TTLL5: variants seen among roughly 807,000 people sequenced by gnomAD.
The protein encoded by TTLL5 is tubulin tyrosine ligase like 5.
Under a neutral mutation model 168.4 loss-of-function variants are expected in TTLL5, and 132 were observed. The observed-to-expected ratio is 0.78, with a 90% CI of 0.68 to 0.91. The LOEUF is 0.91. Among genes scored for constraint, TTLL5 ranks in the 40% least tolerant of loss-of-function variants. TTLL5 has a pLI of 0.00. For synonymous variants in TTLL5, 546 were observed against 558.6 expected (o/e 0.98, Z 0.32); for missense variants, 1,545 against 1,581.5 (o/e 0.98, Z 0.39).
intron 15 of TTLL5, among the ~76,000 whole-genome samples, chr14:75,735,888 C>G (rs1028964726): frequency 6.6e-6 from 1 of 152,162 alleles, no homozygotes; most frequent in Admixed American, 6.5e-5. Context: ...ATTCCATCAT[C>G]TTGTCAGTCC....
chr14:75,663,139 C>T lies in TTLL5; in HGVS notation c.-11C>T, dbSNP rs374433388. The T allele has an allele frequency of 2.6e-5, 42 of 1,613,152 alleles. No homozygotes were observed. In the African/African-American group the frequency reaches 4.9e-4, roughly 19 times the overall value. On this transcript the variant is annotated 5_prime_UTR_variant, in exon 2 of 32. Transcript: ENST00000298832. ...CCCCGTCTGCTGACTGCATGACAAA[C>T]CCTAAAGGAAATGCCAATCGTGATG...
intron 3 of TTLL5, among the ~76,000 whole-genome samples, chr14:75,670,048 A>G (rs940835185): frequency 1.3e-5 from 2 of 152,066 alleles, no homozygotes; most frequent in African/African-American, 4.8e-5. Context: ...CACTTAGCAT[A>G]ATGTTTTTGA....
intron 27 of TTLL5, among the ~76,000 whole-genome samples, chr14:75,819,716 T>C (rs1894719665): frequency 6.6e-6 from 1 of 152,216 alleles, no homozygotes; most frequent in Non-Finnish European, 1.5e-5. Context: ...CTCAGTAGAT[T>C]CTTGCTGTTT....
intron 30 of TTLL5, among the ~76,000 whole-genome samples, chr14:75,895,052 T>C (rs2032583964): frequency 6.6e-6 from 1 of 152,238 alleles, no homozygotes; most frequent in Non-Finnish European, 1.5e-5. Flanking sequence ...AATTAACATT[T>C]TGCTTTAATA....
intron 18 of TTLL5, among the ~76,000 whole-genome samples, chr14:75,754,798 C>A (rs1487906112): frequency 2.6e-5 from 4 of 152,084 alleles, no homozygotes; most frequent in African/African-American, 9.7e-5. Context: ...GTAATGAAGT[C>A]ACATTAATCC....
chr14:75,867,925 G>A (rs144085209), intron 29 of TTLL5, among the ~76,000 whole-genome samples: 3 of 152,276 alleles, frequency 2.0e-5, no homozygotes, highest in African/African-American at 7.2e-5. Context: ...TGAAGGAGAA[G>A]GCAAAAGAAA....
intron 30 of TTLL5, among the ~76,000 whole-genome samples, chr14:75,893,184 A>G (rs964268179): frequency 2.0e-5 from 3 of 152,226 alleles, no homozygotes; most frequent in Admixed American, 2.0e-4. Context: ...TAGGAGTATC[A>G]CAAAAAAGAC....
chr14:75,723,864 T>C (rs1888002889), intron 12 of TTLL5, among the ~76,000 whole-genome samples: 1 of 152,192 alleles, frequency 6.6e-6, no homozygotes, highest in Admixed American at 6.5e-5. Flanking sequence ...TGGTTCTAAT[T>C]CCACTTCCTG....
intron 15 of TTLL5, among the ~76,000 whole-genome samples, chr14:75,735,803 A>C (rs1566581363): frequency 6.6e-6 from 1 of 152,220 alleles, no homozygotes; most frequent in Non-Finnish European, 1.5e-5. Context: ...TCATTTGATC[A>C]AGCATTGCTT....
intron 31 of TTLL5, among the ~76,000 whole-genome samples, 160 bp from the exon 32 acceptor site, chr14:75,954,252 CAAAAAAAAAAAA>C (rs56396876): frequency 1.3e-5 from 1 of 74,520 alleles, no homozygotes. Flanking sequence ...GACTCCATCT[CAAAAAAAAAAAA>C]AAAAAAAAAA....
At chr14:75,842,556 G>C (rs1467949330) in intron 28 of TTLL5, among the ~76,000 whole-genome samples, 4 of 152,100 alleles carry the variant, frequency 2.6e-5, no homozygotes, top group Non-Finnish European at 4.4e-5. Flanking sequence ...TTTACCCAGG[G>C]AGCCTGATCC....
At chr14:75,685,811 G>T (rs1885001839) in intron 5 of TTLL5, among the ~76,000 whole-genome samples, 2 of 152,150 alleles carry the variant, frequency 1.3e-5, no homozygotes, top group African/African-American at 4.8e-5. Flanking sequence ...GAGGTAATTT[G>T]TAACAGGGAA....
chr14:75,820,501 T>A (rs531600258), intron 28 of TTLL5: 1 of 180,506 alleles, frequency 5.5e-6, no homozygotes, highest in African/African-American at 2.3e-5. Context: ...TTTTTTTTAA[T>A]ACCTTGTGTT....
At position 75,793,008 on chromosome 14, in the gene TTLL5, A is replaced by C. The variant is rs1468000689; in HGVS notation, c.3079A>C (p.Ser1027Arg). 1 of 1,613,980 alleles carries C rather than the reference A, an allele frequency of 6.2e-7. No individual in the cohort carries two copies. Among genetic ancestry groups the C allele is most frequent in the South Asian group, 1.1e-5 (1 of 91,034 alleles). ...TTTATATAGCAAACGGTACAACCAA[A>C]GTATGGTTACAGCTGAACTTCAGCG... is the stretch of plus-strand genomic sequence containing the variant. Reference protein sequence around the residue: ...ASLYSKRYNQSMVTAELQRLA... With the variant: ...ASLYSKRYNQRMVTAELQRLA... The change falls in exon 27 of 32, where the codon AGT becomes CGT. Residue 1027 changes from serine (S) to arginine (R), a missense_variant. Transcript: ENST00000298832.
At chr14:75,716,235 G>A (rs887135813) in intron 9 of TTLL5, among the ~76,000 whole-genome samples, 2 of 152,220 alleles carry the variant, frequency 1.3e-5, no homozygotes, top group Non-Finnish European at 2.9e-5. Context: ...ACTACTGGAA[G>A]TTGGAAGTTT....
chr14:75,681,732 G>T, intron 4 of TTLL5, 105 bp downstream of exon 4: 1 of 926,152 alleles, frequency 1.1e-6, no homozygotes, highest in Non-Finnish European at 1.7e-6. Flanking sequence ...AAGTACATGG[G>T]ACCAATGCTT....
intron 31 of TTLL5, among the ~76,000 whole-genome samples, chr14:75,912,423 G>A (rs1375981901): frequency 6.6e-6 from 1 of 152,122 alleles, no homozygotes; most frequent in Non-Finnish European, 1.5e-5. Context: ...AGCTAGGCAG[G>A]TACAGCATAG....
At chr14:75,888,863 A>G (rs1299184349) in intron 30 of TTLL5, among the ~76,000 whole-genome samples, 1 of 150,946 alleles carries the variant, frequency 6.6e-6, no homozygotes, top group Non-Finnish European at 1.5e-5. Context: ...TGAACCTGGG[A>G]GGCAGAGATT....
chr14:75,677,494 T>C (rs1884264225), intron 3 of TTLL5, among the ~76,000 whole-genome samples: 1 of 148,056 alleles, frequency 6.8e-6, no homozygotes, highest in South Asian at 2.2e-4. Flanking sequence ...CTTTCAAGGC[T>C]CAGGTGATCC....
Sources: allele counts gnomAD v4.1 joint callset (sites outside exome capture counted in the v4.1 genomes callset), GRCh38; gene constraint gnomAD v4.1.1; transcripts MANE v1.5; gene names NCBI Gene and HGNC (gene_info 2026-07-23, HGNC 2026-07-21).